VAV2: variants seen among roughly 807,000 people sequenced by gnomAD.
VAV2 encodes vav guanine nucleotide exchange factor 2, also known as guanine nucleotide exchange factor VAV2.
In VAV2, 67 loss-of-function variants were observed where a neutral mutation model predicts 132.5. The ratio of observed to expected loss-of-function variants is 0.51; its 90% confidence interval spans 0.42 to 0.62. VAV2 has a LOEUF of 0.62. Ranked by LOEUF, VAV2 falls within the 20% of genes least tolerant of loss-of-function variation. The pLI is 0.00. For missense variants in VAV2, 938 were observed against 1,153.6 expected (o/e 0.81, Z 2.71); for synonymous variants, 492 against 443.5 (o/e 1.11, Z -1.37).
chr9:133,889,966 G>A (rs1424834140), intron 2 of VAV2, among the ~76,000 whole-genome samples: 3 of 152,322 alleles, frequency 2.0e-5, no homozygotes, highest in Admixed American at 1.3e-4. Flanking sequence ...ATGACTCCAC[G>A]AATTACTGTC....
In VAV2 at chr9:133,837,325, G is replaced by A. The variant is rs149936489; in HGVS notation, c.381-2985C>T. Among the ~76,000 whole-genome samples the A allele has an allele frequency of 2.0e-3, 298 of 152,292 alleles. 2 individuals are homozygous for A. The highest frequency in any genetic ancestry group is 3.3e-3 in the Non-Finnish European group (227 of 68,026). ...TCGTTAGGGCCTAAGAGCCCCACTC[G>A]CCATGATGATTTTGGAATCTTGTTT... is the stretch of plus-strand genomic sequence containing the variant. On this transcript the variant is annotated intron_variant, in intron 3 of 29. Coordinates refer to ENST00000371850, the MANE Select transcript of VAV2 (RefSeq NM_001134398.2).
intron 3 of VAV2, among the ~76,000 whole-genome samples, chr9:133,844,810 G>A (rs924594656): frequency 2.6e-5 from 4 of 152,228 alleles, no homozygotes; most frequent in South Asian, 2.1e-4. Context: ...TTCACGAGGA[G>A]GAAACTGAGG....
intron 2 of VAV2, among the ~76,000 whole-genome samples, chr9:133,916,227 T>A (rs561017310): frequency 2.0e-5 from 3 of 152,282 alleles, no homozygotes; most frequent in Non-Finnish European, 2.9e-5. Flanking sequence ...CAAGGCTCCA[T>A]GGAGGAGGCG....
intron 9 of VAV2, among the ~76,000 whole-genome samples, chr9:133,800,595 G>A (rs1048641216): frequency 3.9e-5 from 6 of 152,136 alleles, no homozygotes; most frequent in African/African-American, 7.2e-5. Context: ...CCTCCCTGTC[G>A]AGGCAAGTCT....
At position 133,878,319 on chromosome 9, in the gene VAV2, T is replaced by G. The variant is rs1003401655; in HGVS notation, c.322-16887A>C. 2.6e-5 allele frequency among the ~76,000 whole-genome samples: 4 copies of G among 152,282 alleles called. No individual in the cohort carries two copies. In the South Asian group the frequency reaches 8.3e-4, roughly 32 times the overall value. ...GAACCACACGCACTACAGAGCCAAC[T>G]GCGACCCAAGCACGATCGAGGCTGT... On this transcript the variant is annotated intron_variant, in intron 2 of 29. Coordinates refer to ENST00000371850, the MANE Select transcript of VAV2 (RefSeq NM_001134398.2).
chr9:133,868,222 G>A (rs538741867), intron 2 of VAV2, among the ~76,000 whole-genome samples: 4 of 152,232 alleles, frequency 2.6e-5, no homozygotes, highest in South Asian at 2.1e-4. Flanking sequence ...TGAGCTACCC[G>A]GGGCTCGGGT....
intron 1 of VAV2, 100 bp from the exon 2 acceptor site, chr9:133,939,319 C>G (rs1250196982): frequency 9.6e-7 from 1 of 1,036,672 alleles, no homozygotes; most frequent in African/African-American, 1.6e-5. Flanking sequence ...GGCTTCCGTG[C>G]GCCAGCACAT....
chr9:133,988,158 G>C (rs1488210991), intron 1 of VAV2, among the ~76,000 whole-genome samples: 1 of 152,090 alleles, frequency 6.6e-6, no homozygotes, highest in Non-Finnish European at 1.5e-5. Context: ...GACTGGCAGG[G>C]AGGTGGGCAA....
chr9:133,794,126 A>T lies in VAV2; in HGVS notation c.1101+1542T>A, dbSNP rs1386113728. ...GAGTATGAAACGCAAGACCACACTC[A>T]GGGCCCGGGTGCACGGCCCACTGCA... On this transcript the variant is annotated intron_variant, in intron 12 of 29. Transcript: ENST00000371850. This position sits in a 1 kb window ranked among gnomAD's most constrained non-coding sequence, Gnocchi z 4.6. Among the ~76,000 whole-genome samples the T allele has an allele frequency of 6.6e-6, 1 of 152,064 alleles. No individual in the cohort carries two copies. Among genetic ancestry groups the T allele is most frequent in the Non-Finnish European group, 1.5e-5 (1 of 68,002 alleles).
intron 2 of VAV2, among the ~76,000 whole-genome samples, chr9:133,905,433 C>CAAAA (rs5901029): frequency 0.39 from 44,025 of 112,200 alleles, 8,276 homozygotes; most frequent in East Asian, 0.64. Flanking sequence ...GAAACTGTCT[C>CAAAA]AAAAAAAAAA....
At chr9:133,917,905 C>A (rs1030115521) in intron 2 of VAV2, among the ~76,000 whole-genome samples, 74 of 151,928 alleles carry the variant, frequency 4.9e-4, no homozygotes, top group African/African-American at 1.8e-3. Context: ...CCTGGTCCCC[C>A]GCCCTGGTCC....
Position 133,763,369 on chromosome 9 carries a change from T to A in VAV2, c.*693A>T, listed in dbSNP as rs1244930391. The stretch of plus-strand genomic sequence containing the variant: ...GGGCAGCAGGGTTGGAATTTCATCA[T>A]TCCAAAGGCCCCTCCCAAGAGAGGG... On this transcript the variant is annotated 3_prime_UTR_variant, in exon 30 of 30. Coordinates refer to ENST00000371850, the MANE Select transcript of VAV2 (RefSeq NM_001134398.2). This position sits in a 1 kb window ranked among gnomAD's most constrained non-coding sequence, Gnocchi z 6.8. 3.9e-5 allele frequency: 6 copies of A among 152,142 alleles called. No individual in the cohort carries two copies. Among genetic ancestry groups the A allele is most frequent in the Non-Finnish European group, 7.4e-5 (5 of 68,020 alleles). The allele number at this position is 152,142 out of a possible 1,614,324, so 9.4% of individuals were successfully genotyped here. A position where few individuals can be genotyped will look rare whatever the true frequency, so the allele number is the denominator to read the frequency against.
intron 2 of VAV2, among the ~76,000 whole-genome samples, chr9:133,878,988 G>A (rs1838380476): frequency 6.6e-6 from 1 of 152,224 alleles, no homozygotes; most frequent in South Asian, 2.1e-4. Flanking sequence ...CCATGGAGCA[G>A]GAGCATGGTG....
At chr9:133,785,295 G>A (rs564160721) in intron 17 of VAV2, among the ~76,000 whole-genome samples, 66 of 152,278 alleles carry the variant, frequency 4.3e-4, no homozygotes, top group African/African-American at 1.4e-3. Flanking sequence ...CCGGGAACCC[G>A]TTCATCATCT....
intron 2 of VAV2, among the ~76,000 whole-genome samples, chr9:133,906,330 G>A (rs1564454323): frequency 6.6e-6 from 1 of 152,194 alleles, no homozygotes; most frequent in Non-Finnish European, 1.5e-5. Flanking sequence ...CTCCCAGTGT[G>A]GGAGGAATCG....
At chr9:133,820,752 A>G (rs1835755509) in intron 4 of VAV2, among the ~76,000 whole-genome samples, 1 of 152,172 alleles carries the variant, frequency 6.6e-6, no homozygotes, top group African/African-American at 2.4e-5. Context: ...CACTGGGAGG[A>G]AGAGGGAACC....
chr9:133,969,735 G>A lies in VAV2; in HGVS notation c.204+22340C>T, dbSNP rs1253083470. On this transcript the variant is annotated intron_variant, in intron 1 of 29. Coordinates refer to ENST00000371850, the MANE Select transcript of VAV2 (RefSeq NM_001134398.2). This position sits in a 1 kb window ranked among gnomAD's most constrained non-coding sequence, Gnocchi z 5.1. ...CCCCAAGCCCACCCACTCCTCCTGC[G>A]CTCCAGCGGGGCCGTCCATCTCTCT... Among the ~76,000 whole-genome samples the A allele has an allele frequency of 2.0e-5, 3 of 151,870 alleles. No individual in the cohort carries two copies. Among genetic ancestry groups the A allele is most frequent in the African/African-American group, 4.8e-5 (2 of 41,346 alleles).
intron 5 of VAV2, among the ~76,000 whole-genome samples, 172 bp downstream of exon 5, chr9:133,811,942 C>T (rs1383348819): frequency 1.3e-5 from 2 of 152,194 alleles, no homozygotes; most frequent in African/African-American, 2.4e-5. Flanking sequence ...AGAGGAGCTC[C>T]GTGGGGACTG....
chr9:133,921,426 C>A (rs935633205), intron 2 of VAV2, among the ~76,000 whole-genome samples: 3 of 152,142 alleles, frequency 2.0e-5, no homozygotes, highest in African/African-American at 7.2e-5. Flanking sequence ...CTGACTGGGG[C>A]CAGGAGACCA....
Sources: gnomAD v4.1 joint callset for allele counts (sites outside exome capture counted in the v4.1 genomes callset) on GRCh38, gnomAD v4.1.1 for gene constraint, Gnocchi (gnomAD v3.1) non-coding constraint, MANE v1.5 for transcripts, NCBI Gene and HGNC (gene_info 2026-07-23, HGNC 2026-07-21) for gene names.